Variants in SORCS3 observed in about 807,000 individuals in gnomAD.
SORCS3 encodes VPS10 domain-containing receptor SorCS3.
A neutral mutation model predicts 146.3 loss-of-function variants in SORCS3; 57 were observed. The observed-to-expected ratio is 0.39, with a 90% CI of 0.31 to 0.49. The LOEUF (loss-of-function observed/expected upper bound fraction) is 0.49, where lower values mean the gene tolerates loss of function less well. Among genes scored for constraint, SORCS3 ranks in the 20% least tolerant of loss-of-function variants. SORCS3 has a pLI of 0.92. For missense variants in SORCS3, 1,341 were observed against 1,575.5 expected, an observed-to-expected ratio of 0.85 and a Z score of 2.52; for synonymous variants, 653 against 618.5, an observed-to-expected ratio of 1.06 and a Z score of -0.83.
intron 1 of SORCS3, among the ~76,000 whole-genome samples, chr10:104,643,189 C>T (rs1281566285): frequency 6.6e-6 from 1 of 152,194 alleles, no homozygotes; most frequent in Non-Finnish European, 1.5e-5. Context: ...CCTTGGGGAA[C>T]TGATTTGATA....
intron 2 of SORCS3, among the ~76,000 whole-genome samples, chr10:104,865,019 C>T (rs1323768360): frequency 1.3e-5 from 2 of 152,188 alleles, no homozygotes; most frequent in Admixed American, 1.3e-4. Context: ...CCAGGCTGGT[C>T]AGTCTCTCAG....
At chr10:105,092,109 C>A (rs965340639) in intron 6 of SORCS3, among the ~76,000 whole-genome samples, 2 of 152,174 alleles carry the variant, frequency 1.3e-5, no homozygotes, top group Admixed American at 1.3e-4. Flanking sequence ...AATGTAGTTT[C>A]TTACATTAAG....
chr10:105,045,210 C>A, intron 5 of SORCS3, among the ~76,000 whole-genome samples: 1 of 152,046 alleles, frequency 6.6e-6, no homozygotes. Flanking sequence ...GCCTAAGAAG[C>A]AACATTTTCC....
At chr10:105,247,956 G>C (rs899065611) in intron 22 of SORCS3, among the ~76,000 whole-genome samples, 37 of 152,232 alleles carry the variant, frequency 2.4e-4, no homozygotes, top group African/African-American at 8.4e-4. Context: ...GCACTTGTCT[G>C]GCTCTTTGTT....
intron 1 of SORCS3, among the ~76,000 whole-genome samples, chr10:104,758,302 A>G (rs1266755800): frequency 6.6e-6 from 1 of 152,150 alleles, no homozygotes; most frequent in Non-Finnish European, 1.5e-5. Flanking sequence ...TTTAACTCAG[A>G]TTCATTCCTG....
chr10:105,093,083 A>G (rs187119640), intron 6 of SORCS3, among the ~76,000 whole-genome samples: 165 of 152,346 alleles, frequency 1.1e-3, no homozygotes, highest in Non-Finnish European at 2.1e-3. Context: ...TAAGGTATCC[A>G]TAAGAAAATC....
At chr10:105,244,431 G>A (rs916119599) in intron 20 of SORCS3, among the ~76,000 whole-genome samples, 1 of 152,030 alleles carries the variant, frequency 6.6e-6, no homozygotes, top group Non-Finnish European at 1.5e-5. Flanking sequence ...TGAAAATACA[G>A]CATTTGCAGA....
chr10:105,042,466 T>C (rs931892643), intron 4 of SORCS3, among the ~76,000 whole-genome samples: 32 of 152,228 alleles, frequency 2.1e-4, no homozygotes, highest in African/African-American at 7.7e-4. Context: ...TACCCAATAC[T>C]CCTAGTTAGT....
At chr10:105,143,245 GT>G (rs572815822) in intron 8 of SORCS3, among the ~76,000 whole-genome samples, 11 of 151,554 alleles carry the variant, frequency 7.3e-5, no homozygotes, top group South Asian at 2.1e-4. Context: ...CCCTTTGGTA[GT>G]TTTTTTTTAT....
chr10:105,174,761 C>T (rs1332122000), intron 13 of SORCS3, among the ~76,000 whole-genome samples: 6 of 152,158 alleles, frequency 3.9e-5, no homozygotes, highest in Non-Finnish European at 8.8e-5. Flanking sequence ...TTTCCTCTAG[C>T]AGGCATTTTG....
intron 6 of SORCS3, among the ~76,000 whole-genome samples, chr10:105,090,934 T>G (rs2055697466): frequency 6.6e-6 from 1 of 152,218 alleles, no homozygotes; most frequent in African/African-American, 2.4e-5. Context: ...AGAAATCTAC[T>G]GTTGGAGGCC....
chr10:104,891,976 C>G (rs2018753898), intron 2 of SORCS3, among the ~76,000 whole-genome samples: 1 of 152,188 alleles, frequency 6.6e-6, no homozygotes, highest in South Asian at 2.1e-4. Context: ...TTCTTTGATC[C>G]TTATTTGTTA....
intron 1 of SORCS3, among the ~76,000 whole-genome samples, chr10:104,739,299 A>G (rs1019515686): frequency 2.0e-4 from 30 of 152,364 alleles, no homozygotes; most frequent in African/African-American, 7.2e-4. Context: ...AATAGTAAAT[A>G]GGGATCTTCA....
At chr10:104,708,338 A>G (rs751361195) in intron 1 of SORCS3, among the ~76,000 whole-genome samples, 26 of 152,272 alleles carry the variant, frequency 1.7e-4, no homozygotes, top group Non-Finnish European at 3.2e-4. Flanking sequence ...AGCCTTCCTG[A>G]TGGCACTGCA....
Position 105,069,030 on chromosome 10 carries a change from A to C in SORCS3, c.1029-20745A>C, listed in dbSNP as rs1327592874. Among the ~76,000 whole-genome samples, 3 of 152,222 alleles carry C rather than the reference A, an allele frequency of 2.0e-5. No homozygotes were observed. In the East Asian group the frequency reaches 5.8e-4, roughly 29 times the overall value. ...AGCATCTACCATAGATCGTTTTGGA[A>C]ATCAAGATAGACAAAAACTAGTCTC... On this transcript the variant is annotated intron_variant, in intron 5 of 26. Coordinates refer to ENST00000369701, the MANE Select transcript of SORCS3 (RefSeq NM_014978.3).
intron 20 of SORCS3, among the ~76,000 whole-genome samples, chr10:105,242,909 A>T (rs1454320332): frequency 1.5e-5 from 1 of 64,746 alleles, no homozygotes; most frequent in Non-Finnish European, 2.6e-5. Context: ...TATAAATTAT[A>T]TATATAATAT....
chr10:105,012,790 G>C (rs756733610), intron 4 of SORCS3, among the ~76,000 whole-genome samples: 1 of 152,136 alleles, frequency 6.6e-6, no homozygotes, highest in Non-Finnish European at 1.5e-5. Flanking sequence ...AAGCATTCTC[G>C]TGAGTTGTTA....
At chr10:104,650,779 T>G (rs2015549327) in intron 1 of SORCS3, among the ~76,000 whole-genome samples, 1 of 152,228 alleles carries the variant, frequency 6.6e-6, no homozygotes, top group Non-Finnish European at 1.5e-5. Context: ...GTTGCTGGCC[T>G]GGGATCTGCA....
At chr10:104,821,973 G>C (rs2017877951) in intron 1 of SORCS3, 1 of 408,146 alleles carries the variant, frequency 2.5e-6, no homozygotes, top group East Asian at 6.2e-5. Context: ...GAAACTTCAA[G>C]GTTGAATGAC....
Sources: gnomAD v4.1 joint callset for allele counts (sites outside exome capture counted in the v4.1 genomes callset) on GRCh38, gnomAD v4.1.1 for gene constraint, MANE v1.5 for transcripts, NCBI Gene and HGNC (gene_info 2026-07-23, HGNC 2026-07-21) for gene names.